The following CACNA2D3 variants were observed in gnomAD, a reference collection of about 807,000 sequenced individuals.
CACNA2D3 encodes calcium voltage-gated channel auxiliary subunit alpha2delta 3.
CACNA2D3 carries 60 observed loss-of-function variants against 160.6 expected under a neutral mutation model. The ratio of observed to expected loss-of-function variants is 0.37; its 90% CI spans 0.30 to 0.46. The LOEUF is 0.46. Ranked by LOEUF, CACNA2D3 falls within the 20% of genes least tolerant of loss-of-function variation. The pLI is 1.00. For synonymous variants in CACNA2D3, 558 were observed against 492.9 expected, an observed-to-expected ratio of 1.13 and a Z score of -1.75; for missense variants, 1,205 against 1,365.0, an observed-to-expected ratio of 0.88 and a Z score of 1.85.
At chr3:54,282,065 A>G (rs1049503330) in intron 2 of CACNA2D3, among the ~76,000 whole-genome samples, 2 of 152,242 alleles carry the variant, frequency 1.3e-5, no homozygotes, top group Non-Finnish European at 1.5e-5. Context: ...ATACTGACAT[A>G]GAAGGCTCTT....
chr3:54,813,569 C>T (rs913042117), intron 13 of CACNA2D3, among the ~76,000 whole-genome samples: 1 of 152,080 alleles, frequency 6.6e-6, no homozygotes, highest in Non-Finnish European at 1.5e-5. Flanking sequence ...TTCAAGGATT[C>T]AAGGCAGTTA....
chr3:54,790,984 A>G (rs755187601), intron 13 of CACNA2D3, among the ~76,000 whole-genome samples: 3 of 151,736 alleles, frequency 2.0e-5, no homozygotes, highest in Non-Finnish European at 4.4e-5. Context: ...ACTATTAACC[A>G]GCCCATTGGC....
At chr3:54,168,536 G>T (rs946132797) in intron 2 of CACNA2D3, among the ~76,000 whole-genome samples, 1 of 152,110 alleles carries the variant, frequency 6.6e-6, no homozygotes, top group Non-Finnish European at 1.5e-5. Context: ...GGGTACTGAG[G>T]AGCCACCTTA....
At chr3:54,896,659 G>A (rs919622580) in intron 25 of CACNA2D3, 90 bp from the exon 26 acceptor site, 4 of 1,530,984 alleles carry the variant, frequency 2.6e-6, no homozygotes, top group Non-Finnish European at 3.6e-6. Flanking sequence ...GTGAACACTG[G>A]TTTTACCTGA....
intron 11 of CACNA2D3, among the ~76,000 whole-genome samples, chr3:54,750,783 T>A: frequency 6.6e-6 from 1 of 151,704 alleles, no homozygotes; most frequent in East Asian, 1.9e-4. Flanking sequence ...TGCTTTTTTT[T>A]TTTTTGACAT....
chr3:54,419,488 C>A (rs1001381133), intron 4 of CACNA2D3, among the ~76,000 whole-genome samples: 1 of 152,178 alleles, frequency 6.6e-6, no homozygotes, highest in Admixed American at 6.5e-5. Context: ...TACTATTGTT[C>A]CAATTTCATT....
chr3:54,686,291 A>G (rs896978594), intron 11 of CACNA2D3, among the ~76,000 whole-genome samples: 2 of 152,212 alleles, frequency 1.3e-5, no homozygotes, highest in African/African-American at 2.4e-5. Flanking sequence ...CACAAAGCCT[A>G]AAATATTTAG....
intron 2 of CACNA2D3, among the ~76,000 whole-genome samples, chr3:54,146,769 C>T (rs1700037850): frequency 6.6e-6 from 1 of 152,232 alleles, no homozygotes; most frequent in Non-Finnish European, 1.5e-5. Flanking sequence ...TAGGGCCCCT[C>T]CATCCCCGTT....
At chr3:54,402,390 C>G (rs545615721) in intron 4 of CACNA2D3, among the ~76,000 whole-genome samples, 1 of 151,984 alleles carries the variant, frequency 6.6e-6, no homozygotes, top group South Asian at 2.1e-4. Flanking sequence ...CACAAGAAAC[C>G]CACTTTAGCC....
At chr3:54,552,268 G>T (rs564116274) in intron 5 of CACNA2D3, among the ~76,000 whole-genome samples, 93 of 152,194 alleles carry the variant, frequency 6.1e-4, no homozygotes, top group African/African-American at 2.2e-3. Context: ...TAATGTACGC[G>T]TATATCCTGA....
intron 2 of CACNA2D3, among the ~76,000 whole-genome samples, chr3:54,310,235 T>C (rs1000018129): frequency 9.9e-5 from 15 of 152,186 alleles, no homozygotes; most frequent in African/African-American, 3.6e-4. Flanking sequence ...GTTTTGTTTT[T>C]GTGATGGTTA....
intron 3 of CACNA2D3, among the ~76,000 whole-genome samples, chr3:54,353,388 C>T (rs1698597401): frequency 6.6e-6 from 1 of 152,096 alleles, no homozygotes; most frequent in Non-Finnish European, 1.5e-5. Flanking sequence ...GTTTGAATCT[C>T]ACCTTTGCCC....
intron 14 of CACNA2D3, among the ~76,000 whole-genome samples, chr3:54,817,880 A>G (rs148188360): frequency 6.0e-4 from 92 of 152,372 alleles, no homozygotes; most frequent in African/African-American, 1.9e-3. Flanking sequence ...TTACACTTCA[A>G]TGCCATCACA....
chr3:54,267,902 G>A (rs902873844), intron 2 of CACNA2D3, among the ~76,000 whole-genome samples: 1 of 152,146 alleles, frequency 6.6e-6, no homozygotes, highest in Non-Finnish European at 1.5e-5. Context: ...TAAGCTAATG[G>A]CACTAAAACA....
At chr3:54,551,113 T>C (rs1702149484) in intron 5 of CACNA2D3, among the ~76,000 whole-genome samples, 1 of 152,132 alleles carries the variant, frequency 6.6e-6, no homozygotes, top group African/African-American at 2.4e-5. Context: ...CCTACTTGGT[T>C]CCCCCTGTCC....
intron 11 of CACNA2D3, among the ~76,000 whole-genome samples, chr3:54,653,104 G>C (rs992473914): frequency 1.3e-5 from 2 of 152,116 alleles, no homozygotes; most frequent in African/African-American, 4.8e-5. Context: ...TTTGAATGGA[G>C]AGGAGTGAAC....
intron 14 of CACNA2D3, among the ~76,000 whole-genome samples, chr3:54,832,513 A>G (rs1359501197): frequency 6.6e-6 from 1 of 152,224 alleles, no homozygotes; most frequent in East Asian, 1.9e-4. Flanking sequence ...CCTTAAGTAT[A>G]AAGCAATGGA....
chr3:54,709,569 C>T (rs774260130), intron 11 of CACNA2D3, among the ~76,000 whole-genome samples: 5 of 152,058 alleles, frequency 3.3e-5, no homozygotes, highest in Non-Finnish European at 4.4e-5. Flanking sequence ...ACTATGTTAC[C>T]TAGACTTGTC....
At chr3:54,933,150 A>C (rs1396476927) in intron 27 of CACNA2D3, among the ~76,000 whole-genome samples, 1 of 148,954 alleles carries the variant, frequency 6.7e-6, no homozygotes, top group Non-Finnish European at 1.5e-5. Context: ...TTACTATCCT[A>C]TAAGAGATAG....
Sources: gnomAD v4.1 joint callset for allele counts (sites outside exome capture counted in the v4.1 genomes callset) on GRCh38, gnomAD v4.1.1 for gene constraint, MANE v1.5 for transcripts, NCBI Gene and HGNC (gene_info 2026-07-23, HGNC 2026-07-21) for gene names.